FARS2: variants seen among roughly 807,000 people sequenced by gnomAD.
FARS2 encodes the protein phenylalanine--tRNA ligase, mitochondrial.
Under a neutral mutation model 46.4 loss-of-function variants are expected in FARS2, and 40 were observed. That is an observed-to-expected ratio of 0.86 (90% CI 0.67 to 1.12). FARS2 has a LOEUF of 1.12. Among genes scored for constraint, FARS2 ranks in the 50% most tolerant of loss-of-function variants. The pLI, the probability that FARS2 is intolerant of heterozygous loss-of-function variation, is 0.00. For missense variants in FARS2, 513 were observed against 567.9 expected, an observed-to-expected ratio of 0.90 and a Z score of 0.98; for synonymous variants, 234 against 214.9, an observed-to-expected ratio of 1.09 and a Z score of -0.78.
chr6:5,609,263 A>G (rs555004408), intron 5 of FARS2: 83 of 1,093,682 alleles, frequency 7.6e-5, no homozygotes, highest in African/African-American at 2.6e-4. Flanking sequence ...TACTGCTGCT[A>G]CTGGAACTGC....
chr6:5,667,543 C>A (rs905572746), intron 6 of FARS2, among the ~76,000 whole-genome samples: 13 of 148,656 alleles, frequency 8.7e-5, no homozygotes, highest in Admixed American at 7.3e-4. Context: ...AGATTATATT[C>A]TTTGTTGAAT....
At chr6:5,688,165 C>T (rs953306807) in intron 6 of FARS2, among the ~76,000 whole-genome samples, 7 of 152,232 alleles carry the variant, frequency 4.6e-5, no homozygotes, top group Non-Finnish European at 1.0e-4. Flanking sequence ...ATTTGACTTC[C>T]TCTTTTCCTA....
chr6:5,453,315 C>G (rs897574588), intron 4 of FARS2, among the ~76,000 whole-genome samples: 3 of 152,130 alleles, frequency 2.0e-5, no homozygotes, highest in Non-Finnish European at 2.9e-5. Context: ...ATACATTTCT[C>G]TCAGTTGCCA....
the FARS2 span, among the ~76,000 whole-genome samples, chr6:5,256,008 T>C: frequency 1.3e-5 from 2 of 151,992 alleles, no homozygotes; most frequent in African/African-American, 4.8e-5. Context: ...TTGATGTGTA[T>C]TAACTCACCA....
At chr6:5,629,625 A>G (rs1054329073) in intron 6 of FARS2, among the ~76,000 whole-genome samples, 1 of 152,176 alleles carries the variant, frequency 6.6e-6, no homozygotes, top group Non-Finnish European at 1.5e-5. Flanking sequence ...AAATGTGGAG[A>G]GTCATTAAAT....
intron 1 of FARS2, among the ~76,000 whole-genome samples, chr6:5,363,428 C>A (rs184085803): frequency 1.3e-5 from 2 of 152,012 alleles, no homozygotes; most frequent in Non-Finnish European, 2.9e-5. Flanking sequence ...TTTGTTTTTG[C>A]TGACCAATTT....
intron 1 of FARS2, among the ~76,000 whole-genome samples, chr6:5,264,377 C>T (rs1256581532): frequency 6.6e-6 from 1 of 152,210 alleles, no homozygotes; most frequent in Admixed American, 6.5e-5. Context: ...CCTTAGATAT[C>T]AACTCATTCA....
At chr6:5,534,056 A>G (rs2150465602) in intron 4 of FARS2, among the ~76,000 whole-genome samples, 1 of 152,336 alleles carries the variant, frequency 6.6e-6, no homozygotes, top group Non-Finnish European at 1.5e-5. Context: ...ACACCCTATC[A>G]TTGCTGTTCT....
At chr6:5,374,418 A>G (rs987190000) in intron 2 of FARS2, among the ~76,000 whole-genome samples, 3 of 152,134 alleles carry the variant, frequency 2.0e-5, no homozygotes, top group Non-Finnish European at 4.4e-5. Context: ...AGTGCAGGAT[A>G]AATTAAAGAT....
intron 6 of FARS2, among the ~76,000 whole-genome samples, chr6:5,723,389 C>T (rs1760036860): frequency 1.3e-5 from 2 of 150,248 alleles, no homozygotes; most frequent in Admixed American, 6.6e-5. Flanking sequence ...CTGCTGGATT[C>T]AAAACTCGGC....
chr6:5,702,189 A>G (rs1368453858), intron 6 of FARS2, among the ~76,000 whole-genome samples: 1 of 152,220 alleles, frequency 6.6e-6, no homozygotes, highest in African/African-American at 2.4e-5. Flanking sequence ...TTTTTTAAAT[A>G]TTTCATTCAG....
At chr6:5,741,406 T>G (rs931845697) in intron 6 of FARS2, among the ~76,000 whole-genome samples, 4 of 152,182 alleles carry the variant, frequency 2.6e-5, no homozygotes, top group African/African-American at 9.6e-5. Flanking sequence ...ATGTTCTTCA[T>G]GTATTTCCAG....
chr6:5,584,121 A>ACACACACACACACACT (rs1379779693), intron 5 of FARS2, among the ~76,000 whole-genome samples: 1 of 150,180 alleles, frequency 6.7e-6, no homozygotes, highest in Non-Finnish European at 1.5e-5. Flanking sequence ...ACACACACAC[A>ACACACACACACACACT]CACACACACA....
chr6:5,575,888 C>T (rs1772933354), intron 5 of FARS2, among the ~76,000 whole-genome samples: 1 of 152,088 alleles, frequency 6.6e-6, no homozygotes, highest in Non-Finnish European at 1.5e-5. Context: ...CAGTGGAATA[C>T]CACAGAAGTG....
At chr6:5,278,923 CACA>C (rs1275446995) in intron 1 of FARS2, among the ~76,000 whole-genome samples, 4 of 152,176 alleles carry the variant, frequency 2.6e-5, no homozygotes, top group Non-Finnish European at 5.9e-5. Context: ...GCCTTGAGTG[CACA>C]ACAAGACAGG....
In FARS2 at chr6:5,291,920, G is replaced by A. The variant is rs375986211; in HGVS notation, c.-22+30260G>A. The stretch of plus-strand genomic sequence containing the variant: ...TACTCCAAAGAGTGCATAGTCTGTA[G>A]GGGAGACTAATAAGTCAACAATTAC... On this transcript the variant is annotated intron_variant, in intron 1 of 6. Coordinates refer to ENST00000274680, the MANE Select transcript of FARS2 (RefSeq NM_006567.5). Among the ~76,000 whole-genome samples, 48 of 152,296 alleles carry A rather than the reference G, an allele frequency of 3.2e-4. No individual in the cohort carries two copies. The South Asian group carries it at 9.5e-3, about 30-fold the overall frequency.
At chr6:5,584,391 C>G (rs981657968) in intron 5 of FARS2, among the ~76,000 whole-genome samples, 4 of 152,158 alleles carry the variant, frequency 2.6e-5, no homozygotes, top group African/African-American at 9.7e-5. Flanking sequence ...TCAGAACAAA[C>G]AAGCAGACCT....
chr6:5,273,890 G>GT (rs752702335), intron 1 of FARS2, among the ~76,000 whole-genome samples: 45 of 151,934 alleles, frequency 3.0e-4, no homozygotes, highest in African/African-American at 8.7e-4. Flanking sequence ...ATTGAAGAGT[G>GT]TTTTTTTTCC....
intron 5 of FARS2, among the ~76,000 whole-genome samples, chr6:5,610,528 T>C (rs1201697002): frequency 6.6e-6 from 1 of 152,160 alleles, no homozygotes; most frequent in Non-Finnish European, 1.5e-5. Context: ...GTATTAGGTA[T>C]TATGAGTAAT....
Sources: allele counts gnomAD v4.1 joint callset (sites outside exome capture counted in the v4.1 genomes callset), GRCh38; gene constraint gnomAD v4.1.1; transcripts MANE v1.5; gene names NCBI Gene and HGNC (gene_info 2026-07-23, HGNC 2026-07-21).